PCDHGA6: variants seen among roughly 807,000 people sequenced by gnomAD.
PCDHGA6 encodes protocadherin gamma-A6.
In PCDHGA6, 41 loss-of-function variants were observed where a neutral mutation model predicts 60.6. That is an observed-to-expected ratio of 0.68 (90% confidence interval 0.53 to 0.88). PCDHGA6 has a LOEUF of 0.88. Among genes scored for constraint, PCDHGA6 ranks in the 40% least tolerant of loss-of-function variants. PCDHGA6 has a pLI of 0.00. For synonymous variants in PCDHGA6, 594 were observed against 524.4 expected (o/e 1.13, Z -1.81); for missense variants, 1,312 against 1,203.0 (o/e 1.09, Z -1.34).
intron 1 of PCDHGA6, chr5:141,389,990 C>A (rs2091998485): frequency 6.2e-7 from 1 of 1,613,926 alleles, no homozygotes; most frequent in African/African-American, 1.3e-5. Flanking sequence ...TGCTCTTCCT[C>A]GTGGCCATGA....
rs765185360 is a variant in PCDHGA6, at chr5:141,491,451, C to T, written c.2425-3356C>T. 1.2e-6 allele frequency: 2 copies of T among 1,614,112 alleles called. No individual in the cohort carries two copies. The highest frequency in any genetic ancestry group is 1.1e-5 in the South Asian group (1 of 91,082). On this transcript the variant is annotated intron_variant, in intron 1 of 3. Coordinates refer to ENST00000517434, the MANE Select transcript of PCDHGA6 (RefSeq NM_018919.3). This position sits in a 1 kb window ranked among gnomAD's most constrained non-coding sequence, Gnocchi z 6.9. ...AGTGCTGCAGGCGCCAGGACTCACC[C>T]TCCCCGGACTTCTATAAGCAGTCCA...
chr5:141,409,613 A>G lies in PCDHGA6; in HGVS notation c.2424+33106A>G, dbSNP rs370495173. On this transcript the variant is annotated intron_variant, in intron 1 of 3. Coordinates refer to ENST00000517434, the MANE Select transcript of PCDHGA6 (RefSeq NM_018919.3). Reference sequence around the variant, plus strand: ...CGAGAACAACCCGCCAGGAGCCTCCATTGCGCAAGTGAGCGCCTCTGACCC... The same window carrying G: ...CGAGAACAACCCGCCAGGAGCCTCCGTTGCGCAAGTGAGCGCCTCTGACCC... The G allele has an allele frequency of 8.4e-5, 136 of 1,613,856 alleles. No individual in the cohort carries two copies. Among genetic ancestry groups the G allele is most frequent in the Middle Eastern group, 8.2e-4 (5 of 6,062 alleles).
chr5:141,441,885 CA>C, intron 1 of PCDHGA6: 1 of 345,036 alleles, frequency 2.9e-6, no homozygotes. Context: ...ACCTGGTCAC[CA>C]AGGTGGTGGC....
intron 1 of PCDHGA6, chr5:141,395,652 A>C (rs2093296938): frequency 6.0e-6 from 1 of 165,528 alleles, no homozygotes; most frequent in Admixed American, 6.1e-5. Context: ...TTAGCTTAGC[A>C]AAAGTAAAAT....
intron 1 of PCDHGA6, chr5:141,413,689 C>A: frequency 1.2e-6 from 2 of 1,613,800 alleles, no homozygotes; most frequent in Non-Finnish European, 1.7e-6. Flanking sequence ...GAACTCCCTG[C>A]AGAGCTATCA....
rs1226558966 is a variant in PCDHGA6, at chr5:141,432,589, G to C, written c.2424+56082G>C. The C allele has an allele frequency of 6.2e-7, 1 of 1,613,916 alleles. No homozygotes were observed. The highest frequency in any genetic ancestry group is 8.5e-7 in the Non-Finnish European group (1 of 1,179,974). The stretch of plus-strand genomic sequence containing the variant: ...CCTGGCTGTCCTACCGTCTGCTCAA[G>C]GCCAGCGAGCCGGGACTCTTCTCGG... On this transcript the variant is annotated intron_variant, in intron 1 of 3. Coordinates refer to ENST00000517434, the MANE Select transcript of PCDHGA6 (RefSeq NM_018919.3). The surrounding 1 kb of genome is among the most constrained non-coding windows in gnomAD (Gnocchi z 6.0).
chr5:141,431,554 C>G lies in PCDHGA6; in HGVS notation c.2424+55047C>G. 1 of 1,614,126 alleles carries G rather than the reference C, an allele frequency of 6.2e-7. No homozygotes were observed. The highest frequency in any genetic ancestry group is 1.7e-5 in the Admixed American group (1 of 60,032). ...TGGGCACGCAGCTGCTTGTAGTCAA[C>G]GCTACCGACCCTGACGAAGGAGTCA... is the stretch of plus-strand genomic sequence containing the variant. On this transcript the variant is annotated intron_variant, in intron 1 of 3. Coordinates refer to ENST00000517434, the MANE Select transcript of PCDHGA6 (RefSeq NM_018919.3). This position sits in a 1 kb window ranked among gnomAD's most constrained non-coding sequence, Gnocchi z 4.8.
intron 1 of PCDHGA6, among the ~76,000 whole-genome samples, chr5:141,460,889 G>A (rs901987902): frequency 3.3e-5 from 5 of 150,280 alleles, no homozygotes; most frequent in East Asian, 3.9e-4. Flanking sequence ...ATGCCTTTTC[G>A]TGGCTGAGTA....
rs143530538 is a variant in PCDHGA6 at position 141,490,323 on chromosome 5, G to A, written c.2425-4484G>A. 18 of 1,614,102 alleles carry A rather than the reference G, an allele frequency of 1.1e-5. No individual in the cohort carries two copies. Among genetic ancestry groups the A allele is most frequent in the Non-Finnish European group, 1.4e-5 (17 of 1,180,056 alleles). ...CCTCTTTGGCCAACCCTGTCCTAGA[G>A]AGCACACCAGTGGGCACAGTAGTGG... On this transcript the variant is annotated intron_variant, in intron 1 of 3. Transcript: ENST00000517434. This position sits in a 1 kb window ranked among gnomAD's most constrained non-coding sequence, Gnocchi z 5.4.
intron 1 of PCDHGA6, among the ~76,000 whole-genome samples, chr5:141,466,965 C>G (rs1345790988): frequency 6.6e-6 from 1 of 152,016 alleles, no homozygotes; most frequent in African/African-American, 2.4e-5. Context: ...CAAATATTTT[C>G]TCACAGCTCA....
intron 1 of PCDHGA6, chr5:141,417,045 A>G (rs890407837): frequency 7.2e-5 from 11 of 152,144 alleles, no homozygotes; most frequent in Admixed American, 1.3e-4. Context: ...TTTTAAAAAA[A>G]ACTGCTCTTG....
intron 1 of PCDHGA6, among the ~76,000 whole-genome samples, chr5:141,480,195 G>C (rs1350891459): frequency 6.6e-6 from 1 of 151,182 alleles, no homozygotes; most frequent in African/African-American, 2.4e-5. Flanking sequence ...CTTGAGGCCA[G>C]CAGTTCAAGA....
intron 1 of PCDHGA6, among the ~76,000 whole-genome samples, chr5:141,492,622 C>A (rs2099742615): frequency 6.6e-6 from 1 of 152,218 alleles, no homozygotes; most frequent in South Asian, 2.1e-4. Flanking sequence ...GCCGGGCGGG[C>A]AGGACTCTAC....
rs776211508 is a variant in PCDHGA6, at chr5:141,491,001, C to T, written c.2425-3806C>T. On this transcript the variant is annotated intron_variant, in intron 1 of 3. Transcript: ENST00000517434. The surrounding 1 kb of genome is among the most constrained non-coding windows in gnomAD (Gnocchi z 6.9). The stretch of plus-strand genomic sequence containing the variant: ...TCCCTCGCTCTGCTCCTCCTGGCTC[C>T]TTGGTCACCAAGGTGACAGCCGTGG... The T allele has an allele frequency of 6.2e-7, 1 of 1,614,140 alleles. No individual in the cohort carries two copies. Among genetic ancestry groups the T allele is most frequent in the Non-Finnish European group, 8.5e-7 (1 of 1,180,044 alleles).
At chr5:141,442,358 A>C (rs2098318223) in intron 1 of PCDHGA6, 1 of 152,304 alleles carries the variant, frequency 6.6e-6, no homozygotes, top group African/African-American at 2.4e-5. Context: ...CTGTAGCTCT[A>C]TGATGCCATA....
At chr5:141,379,960 T>C (rs1490584684) in intron 1 of PCDHGA6, among the ~76,000 whole-genome samples, 1 of 140,094 alleles carries the variant, frequency 7.1e-6, no homozygotes, top group East Asian at 2.3e-4. Flanking sequence ...AATGCAGTGG[T>C]GTGATCTCTG....
chr5:141,489,288 G>A lies in PCDHGA6; in HGVS notation c.2425-5519G>A. 6.3e-7 allele frequency: 1 copy of A among 1,575,870 alleles called. No homozygotes were observed. Among genetic ancestry groups the A allele is most frequent in the Non-Finnish European group, 8.6e-7 (1 of 1,161,152 alleles). On this transcript the variant is annotated intron_variant, in intron 1 of 3. Coordinates refer to ENST00000517434, the MANE Select transcript of PCDHGA6 (RefSeq NM_018919.3). The surrounding 1 kb of genome is among the most constrained non-coding windows in gnomAD (Gnocchi z 4.5). ...AGCTCGCTGGGAAATGGCAAGTGCT[G>A]TGCATGTTGTCCTTGTGCTGCTGGG...
chr5:141,462,599 T>TGG (rs2099043404), intron 1 of PCDHGA6, among the ~76,000 whole-genome samples: 1 of 152,208 alleles, frequency 6.6e-6, no homozygotes, highest in African/African-American at 2.4e-5. Context: ...CCATTTCATA[T>TGG]ATTGTATTTT....
chr5:141,485,964 T>A lies in PCDHGA6; in HGVS notation c.2425-8843T>A. 1 of 1,614,162 alleles carries A rather than the reference T, an allele frequency of 6.2e-7. No homozygotes were observed. The highest frequency in any genetic ancestry group is 8.5e-7 in the Non-Finnish European group (1 of 1,180,000). On this transcript the variant is annotated intron_variant, in intron 1 of 3. Transcript: ENST00000517434. The surrounding 1 kb of genome is among the most constrained non-coding windows in gnomAD (Gnocchi z 5.7). ...CCAGCGGGCATGGTGCTCATCCAGC[T>A]CAATGCCTCAGACCCGGACCTGGGT...
Sources: gnomAD v4.1 joint callset for allele counts (sites outside exome capture counted in the v4.1 genomes callset) on GRCh38, gnomAD v4.1.1 for gene constraint, Gnocchi (gnomAD v3.1) non-coding constraint, MANE v1.5 for transcripts, NCBI Gene and HGNC (gene_info 2026-07-23, HGNC 2026-07-21) for gene names.